Variants in MLLT3 observed in about 807,000 individuals in gnomAD.
The protein encoded by MLLT3 is MLLT3 super elongation complex subunit.
MLLT3 carries 4 observed loss-of-function variants against 53.2 expected under a neutral mutation model. The ratio of observed to expected loss-of-function variants is 0.08; its 90% CI spans 0.04 to 0.17. MLLT3 has a LOEUF of 0.17. Ranked by LOEUF, MLLT3 falls within the 10% of genes least tolerant of loss-of-function variation. MLLT3 has a pLI of 1.00. For missense variants in MLLT3, 569 were observed against 684.0 expected (o/e 0.83, Z 1.87); for synonymous variants, 283 against 230.6 (o/e 1.23, Z -2.06).
chr9:20,549,842 T>C (rs1477094607), intron 2 of MLLT3, among the ~76,000 whole-genome samples: 1 of 152,234 alleles, frequency 6.6e-6, no homozygotes, highest in African/African-American at 2.4e-5. Context: ...CCATTCACTG[T>C]GACCACCATC....
At chr9:20,507,527 G>A (rs577581517) in intron 2 of MLLT3, among the ~76,000 whole-genome samples, 7 of 151,998 alleles carry the variant, frequency 4.6e-5, no homozygotes, top group Non-Finnish European at 1.0e-4. Context: ...ACCCTTATAG[G>A]TTTCCTCCTT....
intron 5 of MLLT3, 46 bp from the exon 6 acceptor site, chr9:20,365,790 C>G: frequency 6.3e-7 from 1 of 1,590,998 alleles, no homozygotes; most frequent in Non-Finnish European, 8.6e-7. Flanking sequence ...TTACGGGATA[C>G]CACACATCTA....
chr9:20,601,743 G>T (rs1820427288), intron 2 of MLLT3, among the ~76,000 whole-genome samples: 1 of 152,012 alleles, frequency 6.6e-6, no homozygotes, highest in Admixed American at 6.6e-5. Flanking sequence ...AGAAAATGAA[G>T]CAATTTGCAT....
Position 20,622,211 on chromosome 9 carries a change from G to T in MLLT3, c.12+34C>A, listed in dbSNP as rs766788322. ...CGCAGGGCGAGGAAGGAAAGTGGGG[G>T]AGGGCTTTTATTATTATTTTTGCGC... On this transcript the variant is annotated intron_variant, in intron 1 of 10. Transcript: ENST00000380338. 2.5e-6 allele frequency: 4 copies of T among 1,590,630 alleles called. No individual in the cohort carries two copies. The East Asian group carries it at 9.1e-5, about 36-fold the overall frequency.
chr9:20,510,717 G>A (rs1825514273), intron 2 of MLLT3, among the ~76,000 whole-genome samples: 1 of 151,830 alleles, frequency 6.6e-6, no homozygotes, highest in African/African-American at 2.4e-5. Flanking sequence ...TACATTACTT[G>A]GGAGAGGGGT....
At chr9:20,556,276 C>T (rs1430383911) in intron 2 of MLLT3, among the ~76,000 whole-genome samples, 6 of 151,912 alleles carry the variant, frequency 3.9e-5, no homozygotes, top group Non-Finnish European at 7.4e-5. Context: ...TTAAATAATC[C>T]TTGAGGCATA....
intron 5 of MLLT3, among the ~76,000 whole-genome samples, chr9:20,381,155 T>G (rs951144605): frequency 5.9e-5 from 9 of 151,976 alleles, no homozygotes; most frequent in Admixed American, 5.3e-4. Flanking sequence ...AACAAAGTAT[T>G]TTAAACCTTT....
chr9:20,463,206 A>C (rs1443076930), intron 2 of MLLT3, among the ~76,000 whole-genome samples: 1 of 152,050 alleles, frequency 6.6e-6, no homozygotes, highest in African/African-American at 2.4e-5. Flanking sequence ...GATACATAAA[A>C]ATTACTTCAC....
chr9:20,372,400 TCTTTC>T (rs1821628904), intron 5 of MLLT3, among the ~76,000 whole-genome samples: 1 of 151,966 alleles, frequency 6.6e-6, no homozygotes, highest in African/African-American at 2.4e-5. Flanking sequence ...TTATTTTCTT[TCTTTC>T]TTTTCTCTTT....
At chr9:20,487,923 T>C (rs1824854754) in intron 2 of MLLT3, among the ~76,000 whole-genome samples, 2 of 152,224 alleles carry the variant, frequency 1.3e-5, no homozygotes, top group East Asian at 3.9e-4. Flanking sequence ...ATTTTTTTTC[T>C]TCAATGGCAT....
rs537918552 is a variant in MLLT3 at position 20,533,398 on chromosome 9, CAAAAGAAAAG to C, written c.194-76622_194-76613del. 331 of 159,718 alleles carry C rather than the reference CAAAAGAAAAG, an allele frequency of 2.1e-3. 2 individuals are homozygous for C. The highest frequency in any genetic ancestry group is 7.0e-3 in the African/African-American group (294 of 41,704). The allele number at this position is 159,718 out of a possible 1,614,324, so 9.9% of individuals were successfully genotyped here. On this transcript the variant is annotated intron_variant, in intron 2 of 10. Transcript: ENST00000380338. ...AATTAAAATAAAACAAATTTTCCTT[CAAAAGAAAAG>C]AAAAGAAAAGAAAATGTCATCTTGA...
intron 2 of MLLT3, among the ~76,000 whole-genome samples, chr9:20,600,202 C>T (rs895267151): frequency 6.6e-6 from 1 of 150,818 alleles, no homozygotes; most frequent in African/African-American, 2.4e-5. Flanking sequence ...ACACTCAGAA[C>T]TCTGTTTCCA....
In MLLT3 at chr9:20,587,186, C is replaced by CAA. The variant is rs11393182; in HGVS notation, c.193+33466_193+33467dup. Among the ~76,000 whole-genome samples, 982 of 106,156 alleles carry CAA rather than the reference C, an allele frequency of 9.3e-3. 9 individuals are homozygous for CAA. The highest frequency in any genetic ancestry group is 0.043 in the Admixed American group (426 of 9,952). 69.6% of individuals were successfully genotyped at this position (106,156 alleles called of 152,430 possible). ...TCCAACAGATAGCAGATAGCTAGGCCAAAAAAAAAAAAAAAACAACTTCCC... is the reference window on the plus strand; with the variant it reads ...TCCAACAGATAGCAGATAGCTAGGCCAAAAAAAAAAAAAAAAAACAACTTCCC... On this transcript the variant is annotated intron_variant, in intron 2 of 10. Coordinates refer to ENST00000380338, the MANE Select transcript of MLLT3 (RefSeq NM_004529.4).
At position 20,469,346 on chromosome 9, in the gene MLLT3, A is replaced by G. The variant is rs78485047; in HGVS notation, c.194-12560T>C. Among the ~76,000 whole-genome samples the G allele has an allele frequency of 4.0e-3, 613 of 152,304 alleles. 4 individuals are homozygous for G. The highest frequency in any genetic ancestry group is 0.014 in the African/African-American group (563 of 41,582). ...TAAATCAACTGTTTGCACATTAGGC[A>G]TAGCACGTTATGTAAAAAGCTCTTG... is the stretch of plus-strand genomic sequence containing the variant. On this transcript the variant is annotated intron_variant, in intron 2 of 10. Coordinates refer to ENST00000380338, the MANE Select transcript of MLLT3 (RefSeq NM_004529.4).
chr9:20,378,232 C>T (rs1051250333), intron 5 of MLLT3, among the ~76,000 whole-genome samples: 2 of 151,986 alleles, frequency 1.3e-5, no homozygotes, highest in African/African-American at 4.8e-5. Context: ...AATGTACATA[C>T]ATTGGGGATA....
intron 5 of MLLT3, among the ~76,000 whole-genome samples, chr9:20,378,273 C>T (rs968028659): frequency 9.9e-5 from 15 of 151,896 alleles, no homozygotes; most frequent in African/African-American, 2.4e-5. Flanking sequence ...AGTTGTAATA[C>T]CAACTCTGTA....
intron 4 of MLLT3, among the ~76,000 whole-genome samples, chr9:20,429,274 A>T (rs1470773851): frequency 6.6e-6 from 1 of 152,160 alleles, no homozygotes; most frequent in Non-Finnish European, 1.5e-5. Flanking sequence ...AGGCTGAGGC[A>T]GGAGAATCCC....
chr9:20,565,998 ATT>A (rs1487730656), intron 2 of MLLT3, among the ~76,000 whole-genome samples: 9 of 128,874 alleles, frequency 7.0e-5, no homozygotes, highest in African/African-American at 1.8e-4. Flanking sequence ...TTATATATTT[ATT>A]TATATATATA....
chr9:20,373,500 G>GATGTCAA (rs1821673599), intron 5 of MLLT3, among the ~76,000 whole-genome samples: 1 of 152,200 alleles, frequency 6.6e-6, no homozygotes, highest in Non-Finnish European at 1.5e-5. Flanking sequence ...CCTGTACTAA[G>GATGTCAA]AGCATACTTC....
Sources: gnomAD v4.1 joint callset for allele counts (sites outside exome capture counted in the v4.1 genomes callset) on GRCh38, gnomAD v4.1.1 for gene constraint, MANE v1.5 for transcripts, NCBI Gene and HGNC (gene_info 2026-07-23, HGNC 2026-07-21) for gene names.